The following IP6K2 variants were observed in gnomAD, a reference collection of about 807,000 sequenced individuals.
IP6K2 encodes the protein ATP:1D-myo-inositol-hexakisphosphate phosphotransferase.
In IP6K2, 9 loss-of-function variants were observed where a neutral mutation model predicts 43.3. The ratio of observed to expected loss-of-function variants is 0.21; its 90% CI spans 0.13 to 0.36. The LOEUF (loss-of-function observed/expected upper bound fraction) is 0.36. Ranked by LOEUF, IP6K2 falls within the 10% of genes least tolerant of loss-of-function variation. The pLI is 1.00. For missense variants in IP6K2, 332 were observed against 538.4 expected (o/e 0.62, Z 3.79); for synonymous variants, 209 against 202.4 (o/e 1.03, Z -0.28).
chr3:48,714,232 A>G (rs1321491461), intron 1 of IP6K2, among the ~76,000 whole-genome samples: 2 of 152,122 alleles, frequency 1.3e-5, no homozygotes, highest in Non-Finnish European at 2.9e-5. Flanking sequence ...ACACCCAGCT[A>G]ATTTTTGTAT....
At chr3:48,701,694 C>T (rs1360283651) in intron 1 of IP6K2, among the ~76,000 whole-genome samples, 1 of 150,408 alleles carries the variant, frequency 6.6e-6, no homozygotes, top group Admixed American at 6.7e-5. Flanking sequence ...GTCAGGAGTT[C>T]GAGACTAGCC....
At chr3:48,708,199 C>G (rs966770538) in intron 1 of IP6K2, 4 of 151,956 alleles carry the variant, frequency 2.6e-5, no homozygotes, top group Non-Finnish European at 5.9e-5. Context: ...GAGCCGTGAT[C>G]ACATGACTGT....
chr3:48,688,871 G>A lies in IP6K2; in HGVS notation c.781-98C>T. 1.6e-6 allele frequency: 2 copies of A among 1,285,966 alleles called. No individual in the cohort carries two copies. The highest frequency in any genetic ancestry group is 1.1e-6 in the Non-Finnish European group (1 of 933,838). 79.7% of individuals were successfully genotyped at this position (1,285,966 alleles called of 1,614,324 possible). A position where few individuals can be genotyped will look rare whatever the true frequency, so the allele number is the denominator to read the frequency against. ...GGTGTGGTGGTGGCGGCATGTGACA[G>A]CCCAGATCAGATAAAGTACACCAGT... is the stretch of plus-strand genomic sequence containing the variant. On this transcript the variant is annotated intron_variant, in intron 5 of 5. Coordinates refer to ENST00000328631, the MANE Select transcript of IP6K2 (RefSeq NM_016291.4). The surrounding 1 kb of genome is among the most constrained non-coding windows in gnomAD (Gnocchi z 5.1).
At chr3:48,713,435 C>T (rs993624073) in intron 1 of IP6K2, among the ~76,000 whole-genome samples, 6 of 152,248 alleles carry the variant, frequency 3.9e-5, no homozygotes, top group Admixed American at 2.6e-4. Context: ...AACGTGGCAG[C>T]CTTCCACAAA....
intron 1 of IP6K2, among the ~76,000 whole-genome samples, chr3:48,701,262 T>C (rs2078999008): frequency 6.6e-6 from 1 of 152,076 alleles, no homozygotes; most frequent in Admixed American, 6.6e-5. Flanking sequence ...TGTATTATTT[T>C]AATAATCAGA....
At chr3:48,690,966 CT>C in intron 4 of IP6K2, among the ~76,000 whole-genome samples, 1 of 152,082 alleles carries the variant, frequency 6.6e-6, no homozygotes. Flanking sequence ...TGTTTTCAGA[CT>C]TCTGAAAAGT....
chr3:48,704,024 A>G (rs2079388171), intron 1 of IP6K2, among the ~76,000 whole-genome samples: 1 of 152,154 alleles, frequency 6.6e-6, no homozygotes, highest in Non-Finnish European at 1.5e-5. Context: ...CCCAGGAGGC[A>G]GAGGCTGCAG....
At chr3:48,694,425 A>G in intron 2 of IP6K2, 2 of 1,548,404 alleles carry the variant, frequency 1.3e-6, no homozygotes, top group East Asian at 2.4e-5. Context: ...CAGGTAATGC[A>G]CATTTAAAAT....
intron 2 of IP6K2, chr3:48,694,171 C>T: frequency 6.5e-7 from 1 of 1,549,766 alleles, no homozygotes; most frequent in Non-Finnish European, 8.7e-7. Flanking sequence ...TCCCTGTGGC[C>T]ACAGGGGAAA....
In IP6K2 at chr3:48,691,469, C is replaced by T. The variant is rs775740025; in HGVS notation, c.442G>A (p.Glu148Lys). The T allele has an allele frequency of 2.5e-6, 4 of 1,609,610 alleles. No individual in the cohort carries two copies. In the Admixed American group the frequency reaches 6.7e-5, roughly 27 times the overall value. ...GATTTCTTTAGCCACTCAAATTCTTCTTCTAACTTATGGCTATAAAGAGAT... is the reference window on the plus strand; with the variant it reads ...GATTTCTTTAGCCACTCAAATTCTTTTTCTAACTTATGGCTATAAAGAGAT... ...EEKMKSHKLEEEFEWLKKSEV... is the reference protein window; with the variant it reads ...EEKMKSHKLEKEFEWLKKSEV... Residue 148 changes from glutamate (E) to lysine (K), a missense_variant, in exon 4 of 6, where the codon GAA (glutamate) becomes AAA (lysine). Glu to Lys is a moderately conservative substitution (Grantham distance 56). Transcript: ENST00000328631.
intron 1 of IP6K2, among the ~76,000 whole-genome samples, chr3:48,706,753 T>C (rs576729796): frequency 8.5e-5 from 13 of 152,160 alleles, no homozygotes; most frequent in Non-Finnish European, 1.5e-4. Flanking sequence ...AGCAGGAGAA[T>C]AGCTTGAACC....
At chr3:48,689,954 G>C (rs1313221397) in intron 4 of IP6K2, among the ~76,000 whole-genome samples, 1 of 152,164 alleles carries the variant, frequency 6.6e-6, no homozygotes, top group Non-Finnish European at 1.5e-5. Flanking sequence ...AGAGGCCTAG[G>C]CTCTTCCTGC....
At chr3:48,694,023 C>CGTA in intron 2 of IP6K2, 1 of 1,401,260 alleles carries the variant, frequency 7.1e-7, no homozygotes, top group East Asian at 2.8e-5. Context: ...CCTCCCAGGC[C>CGTA]TCTCTGCCCC....
At chr3:48,692,537 C>T (rs529214074) in intron 3 of IP6K2, among the ~76,000 whole-genome samples, 2 of 152,352 alleles carry the variant, frequency 1.3e-5, no homozygotes, top group African/African-American at 4.8e-5. Flanking sequence ...TTTATATTTT[C>T]ACAAGCTTTG....
rs2078249724 is a variant in IP6K2, at chr3:48,695,598, A to C, written c.-130-177T>G. 14 of 745,298 alleles carry C rather than the reference A, an allele frequency of 1.9e-5. No individual in the cohort carries two copies. Among genetic ancestry groups the C allele is most frequent in the Non-Finnish European group, 2.2e-5 (12 of 536,652 alleles). 46.2% of individuals were successfully genotyped at this position (745,298 alleles called of 1,614,324 possible). ...TCTCCGGCAGAAAAACAAAAACACT[A>C]TGAGCTCATGGGGCGGGGTTAGATG... On this transcript the variant is annotated intron_variant, in intron 1 of 5. Transcript: ENST00000328631. The surrounding 1 kb of genome is among the most constrained non-coding windows in gnomAD (Gnocchi z 4.6).
chr3:48,703,138 T>C (rs578192158), intron 1 of IP6K2, among the ~76,000 whole-genome samples: 12 of 152,340 alleles, frequency 7.9e-5, no homozygotes, highest in Non-Finnish European at 1.6e-4. Context: ...TGAACATTCA[T>C]CTGAGACCTG....
At chr3:48,713,679 C>T (rs888100705) in intron 1 of IP6K2, among the ~76,000 whole-genome samples, 1 of 151,884 alleles carries the variant, frequency 6.6e-6, no homozygotes, top group Non-Finnish European at 1.5e-5. Flanking sequence ...ATTAATTAGC[C>T]GGGCGTGGTG....
chr3:48,688,466 G>C lies in IP6K2; in HGVS notation c.1088C>G (p.Ser363Cys). 1 of 1,614,234 alleles carries C rather than the reference G, an allele frequency of 6.2e-7. No individual in the cohort carries two copies. Among genetic ancestry groups the C allele is most frequent in the Non-Finnish European group, 8.5e-7 (1 of 1,180,042 alleles). ...EDLSEESADE[S>C]AGAYAYKPIG... ...GGGTTTGTAGGCATAGGCACCAGCAGACTCATCAGCTGATTCCTCTGACAG... is the reference window on the plus strand; with the variant it reads ...GGGTTTGTAGGCATAGGCACCAGCACACTCATCAGCTGATTCCTCTGACAG... Residue 363 changes from serine to cysteine, a missense_variant, in exon 6 of 6, where the codon TCT becomes TGT. Coordinates refer to ENST00000328631, the MANE Select transcript of IP6K2 (RefSeq NM_016291.4). This position sits in a 1 kb window ranked among gnomAD's most constrained non-coding sequence, Gnocchi z 5.1.
At position 48,688,008 on chromosome 3, in the gene IP6K2, TAAAC is replaced by T; in HGVS notation, c.*261_*264del. On this transcript the variant is annotated 3_prime_UTR_variant, in exon 6 of 6. Coordinates refer to ENST00000328631, the MANE Select transcript of IP6K2 (RefSeq NM_016291.4). This position sits in a 1 kb window ranked among gnomAD's most constrained non-coding sequence, Gnocchi z 5.1. ...AGAATGACAGGAGCACTATATACAA[TAAAC>T]AAAAAGATTTGTATTAGAACATATA... is the stretch of plus-strand genomic sequence containing the variant. 1 of 481,174 alleles carries T rather than the reference TAAAC, an allele frequency of 2.1e-6. No individual in the cohort carries two copies. 29.8% of individuals were successfully genotyped at this position (481,174 alleles called of 1,614,324 possible).
Sources: gnomAD v4.1 joint callset for allele counts (sites outside exome capture counted in the v4.1 genomes callset) on GRCh38, gnomAD v4.1.1 for gene constraint, Gnocchi (gnomAD v3.1) non-coding constraint, MANE v1.5 for transcripts, NCBI Gene and HGNC (gene_info 2026-07-23, HGNC 2026-07-21) for gene names.